GPC6: variants seen among roughly 807,000 people sequenced by gnomAD.
GPC6 encodes glypican-6.
Under a neutral mutation model 55.2 loss-of-function variants are expected in GPC6, and 14 were observed. The ratio of observed to expected loss-of-function variants is 0.25; its 90% CI spans 0.17 to 0.40. The LOEUF (loss-of-function observed/expected upper bound fraction) is 0.40, where lower values mean the gene tolerates loss of function less well. Among genes scored for constraint, GPC6 ranks in the 10% least tolerant of loss-of-function variants. GPC6 has a pLI of 1.00. For synonymous variants in GPC6, 278 were observed against 259.6 expected (o/e 1.07, Z -0.68); for missense variants, 641 against 708.5 (o/e 0.90, Z 1.08).
intron 1 of GPC6, among the ~76,000 whole-genome samples, chr13:93,402,516 A>G (rs1876129986): frequency 6.6e-6 from 1 of 152,168 alleles, no homozygotes; most frequent in African/African-American, 2.4e-5. Flanking sequence ...CATTTGATGC[A>G]TGAAATATAT....
chr13:93,383,918 T>C (rs1458154489), intron 1 of GPC6, among the ~76,000 whole-genome samples: 3 of 152,080 alleles, frequency 2.0e-5, no homozygotes, highest in South Asian at 2.1e-4. Context: ...TATATTTATA[T>C]TTAACCTTTA....
chr13:93,608,797 T>C (rs1878348132), intron 2 of GPC6, among the ~76,000 whole-genome samples: 1 of 152,230 alleles, frequency 6.6e-6, no homozygotes, highest in African/African-American at 2.4e-5. Context: ...TAAGAAGGAA[T>C]GTAGTAAGTG....
chr13:94,282,090 A>T (rs774744971), intron 4 of GPC6, among the ~76,000 whole-genome samples: 2 of 152,182 alleles, frequency 1.3e-5, no homozygotes, highest in Non-Finnish European at 2.9e-5. Context: ...CCACAAAATA[A>T]ATTATCCTCA....
intron 1 of GPC6, among the ~76,000 whole-genome samples, chr13:93,318,685 G>A (rs972053590): frequency 6.6e-6 from 1 of 152,066 alleles, no homozygotes; most frequent in African/African-American, 2.4e-5. Flanking sequence ...CTTGCAGGGG[G>A]AGGTGCCAAC....
At chr13:94,051,050 T>C (rs1883931352) in intron 4 of GPC6, among the ~76,000 whole-genome samples, 1 of 152,162 alleles carries the variant, frequency 6.6e-6, no homozygotes, top group African/African-American at 2.4e-5. Flanking sequence ...TTCCATCACA[T>C]ATATAAGTTC....
chr13:93,824,644 G>C (rs746957346), intron 2 of GPC6, among the ~76,000 whole-genome samples: 4 of 151,982 alleles, frequency 2.6e-5, no homozygotes, highest in African/African-American at 4.8e-5. Flanking sequence ...CATGAACTTG[G>C]AGCATGGGGG....
the GPC6 span, among the ~76,000 whole-genome samples, chr13:93,219,342 T>G: frequency 6.6e-6 from 1 of 152,190 alleles, no homozygotes; most frequent in Admixed American, 6.5e-5. Context: ...TCCACCCGCC[T>G]TGGCCTCCCA....
intron 2 of GPC6, among the ~76,000 whole-genome samples, chr13:93,771,712 T>TA (rs1409451958): frequency 7.5e-6 from 1 of 133,782 alleles, no homozygotes; most frequent in Non-Finnish European, 1.7e-5. Context: ...CCCTAAAACT[T>TA]AAAGTATAAT....
intron 3 of GPC6, among the ~76,000 whole-genome samples, chr13:93,911,388 A>G (rs1024629699): frequency 2.8e-5 from 4 of 145,034 alleles, no homozygotes; most frequent in Non-Finnish European, 6.0e-5. Flanking sequence ...CGTAACTACC[A>G]TGAATAAAGA....
intron 6 of GPC6, among the ~76,000 whole-genome samples, chr13:94,321,303 A>G (rs1273148103): frequency 6.6e-6 from 1 of 152,024 alleles, no homozygotes. Context: ...CATTTTCTTT[A>G]TCCGTTCTAC....
At chr13:94,145,769 A>G (rs987480560) in intron 4 of GPC6, among the ~76,000 whole-genome samples, 1 of 152,224 alleles carries the variant, frequency 6.6e-6, no homozygotes, top group Non-Finnish European at 1.5e-5. Context: ...CATACTTATA[A>G]ATAAGTGAAT....
chr13:93,960,285 GAGCA>G (rs1879706921), intron 3 of GPC6, among the ~76,000 whole-genome samples: 3 of 152,256 alleles, frequency 2.0e-5, no homozygotes, highest in African/African-American at 7.2e-5. Context: ...TTACTGATTT[GAGCA>G]AGTCTTCCAG....
chr13:93,389,255 T>C (rs1875521411), intron 1 of GPC6, among the ~76,000 whole-genome samples: 1 of 151,880 alleles, frequency 6.6e-6, no homozygotes, highest in South Asian at 2.1e-4. Context: ...CCCAGCACTT[T>C]GGGAAGGCGA....
At position 94,393,751 on chromosome 13, in the gene GPC6, G is replaced by C. The variant is rs193069683; in HGVS notation, c.1290-4715G>C. Reference sequence around the variant, plus strand: ...TTCCTTGCTAGTGCCTCACTTCTCAGACCTACTGGCTTTTAAATTTCATTA... The same window carrying C: ...TTCCTTGCTAGTGCCTCACTTCTCACACCTACTGGCTTTTAAATTTCATTA... On this transcript the variant is annotated intron_variant, in intron 7 of 8. Coordinates refer to ENST00000377047, the MANE Select transcript of GPC6 (RefSeq NM_005708.5). Among the ~76,000 whole-genome samples the C allele has an allele frequency of 1.1e-4, 17 of 152,154 alleles. No individual in the cohort carries two copies. The East Asian group carries it at 3.1e-3, about 28-fold the overall frequency.
At chr13:93,630,003 A>G (rs1225571957) in intron 2 of GPC6, among the ~76,000 whole-genome samples, 2 of 152,214 alleles carry the variant, frequency 1.3e-5, no homozygotes, top group Admixed American at 1.3e-4. Flanking sequence ...CTCAAGGGTA[A>G]TTGTGAGAAG....
At chr13:94,142,656 G>A (rs1307439876) in intron 4 of GPC6, among the ~76,000 whole-genome samples, 3 of 151,948 alleles carry the variant, frequency 2.0e-5, no homozygotes, top group Admixed American at 6.6e-5. Flanking sequence ...TATTGAAACC[G>A]GGTGTTGTCT....
chr13:93,369,944 T>A (rs1881392449), intron 1 of GPC6, among the ~76,000 whole-genome samples: 1 of 152,142 alleles, frequency 6.6e-6, no homozygotes, highest in African/African-American at 2.4e-5. Context: ...GTAGGTTGTA[T>A]CATTATTATA....
intron 2 of GPC6, among the ~76,000 whole-genome samples, chr13:93,686,542 T>C (rs546886775): frequency 1.3e-5 from 2 of 152,254 alleles, no homozygotes; most frequent in African/African-American, 4.8e-5. Context: ...TGGCATATAA[T>C]CTTGGTTTCA....
intron 1 of GPC6, among the ~76,000 whole-genome samples, chr13:93,330,354 A>G (rs1879801259): frequency 6.6e-6 from 1 of 152,066 alleles, no homozygotes; most frequent in Non-Finnish European, 1.5e-5. Flanking sequence ...GCAAGATGCC[A>G]TCTCTACCAA....
Sources: gnomAD v4.1 joint callset for allele counts (sites outside exome capture counted in the v4.1 genomes callset) on GRCh38, gnomAD v4.1.1 for gene constraint, MANE v1.5 for transcripts, NCBI Gene and HGNC (gene_info 2026-07-23, HGNC 2026-07-21) for gene names.